GMPS: variants seen among roughly 807,000 people sequenced by gnomAD.
GMPS encodes GMP synthase [glutamine-hydrolyzing].
In GMPS, 15 loss-of-function variants were observed where a neutral mutation model predicts 77.9. The observed-to-expected ratio is 0.19, with a 90% CI of 0.13 to 0.30. The LOEUF (loss-of-function observed/expected upper bound fraction) is 0.30. GMPS is among the 10% of genes least tolerant of loss of function. GMPS has a pLI of 1.00. For missense variants in GMPS, 590 were observed against 838.8 expected (o/e 0.70, Z 3.66); for synonymous variants, 224 against 275.9 (o/e 0.81, Z 1.86).
intron 10 of GMPS, among the ~76,000 whole-genome samples, chr3:155,920,729 A>G (rs1755299339): frequency 6.6e-6 from 1 of 152,104 alleles, no homozygotes. Context: ...ATTATGTAAG[A>G]CTTCATTGGC....
chr3:155,933,215 A>G (rs1316329217), intron 13 of GMPS, among the ~76,000 whole-genome samples: 1 of 152,174 alleles, frequency 6.6e-6, no homozygotes, highest in Non-Finnish European at 1.5e-5. Context: ...AGAAAAAAAA[A>G]AGAATCTTGG....
chr3:155,922,946 A>G (rs1755353507), intron 11 of GMPS, among the ~76,000 whole-genome samples: 1 of 152,194 alleles, frequency 6.6e-6, no homozygotes, highest in African/African-American at 2.4e-5. Flanking sequence ...TCTCTTTAGA[A>G]TATCTTCACC....
Position 155,897,924 on chromosome 3 carries a change from C to T in GMPS, c.210-3C>T, listed in dbSNP as rs768368968. 4 of 1,381,702 alleles carry T rather than the reference C, an allele frequency of 2.9e-6. No individual in the cohort carries two copies. The Admixed American group carries it at 5.0e-5, about 17-fold the overall frequency. 85.6% of individuals were successfully genotyped at this position (1,381,702 alleles called of 1,614,324 possible). A position where few individuals can be genotyped will look rare whatever the true frequency, so the allele number is the denominator to read the frequency against. ...TCTTCACTGATTGTTCCTTAAATCA[C>T]AGTGCTATTATCATCTCTGGAGGAC... On this transcript the variant is annotated splice_region_variant and splice_polypyrimidine_tract_variant and intron_variant, in intron 2 of 15. Transcript: ENST00000496455.
rs564391432 is a variant in GMPS, at chr3:155,914,597, A to G, written c.1038+27A>G. 57 of 1,439,082 alleles carry G rather than the reference A, an allele frequency of 4.0e-5. No homozygotes were observed. The East Asian group carries it at 1.1e-3, about 29-fold the overall frequency. The allele number at this position is 1,439,082 out of a possible 1,614,324, so 89.1% of individuals were successfully genotyped here. The stretch of plus-strand genomic sequence containing the variant: ...TACCTTTGTTTTTAATATCCTCAAC[A>G]TGTACTATTTTTGATGTGAATCTTA... On this transcript the variant is annotated intron_variant, in intron 8 of 15. Transcript: ENST00000496455.
chr3:155,934,077 CTCAAGTAGAGA>C (rs1755700290), intron 13 of GMPS, among the ~76,000 whole-genome samples: 1 of 152,024 alleles, frequency 6.6e-6, no homozygotes, highest in South Asian at 2.1e-4. Flanking sequence ...ATGATTGTTT[CTCAAGTAGAGA>C]AAAAAAGATG....
intron 7 of GMPS, among the ~76,000 whole-genome samples, chr3:155,912,979 A>T (rs922321810): frequency 6.6e-6 from 1 of 152,198 alleles, no homozygotes; most frequent in African/African-American, 2.4e-5. Flanking sequence ...AACACTGTGG[A>T]TGTATTCTCT....
intron 1 of GMPS, among the ~76,000 whole-genome samples, chr3:155,884,369 G>T (rs1310662191): frequency 1.4e-5 from 2 of 147,164 alleles, no homozygotes. Flanking sequence ...CTGGGCAACA[G>T]AGCGAGACTC....
chr3:155,878,232 C>G (rs1199432569), intron 1 of GMPS, among the ~76,000 whole-genome samples: 1 of 152,098 alleles, frequency 6.6e-6, no homozygotes, highest in African/African-American at 2.4e-5. Context: ...GACCGTAGCA[C>G]CTATTTTGGA....
intron 2 of GMPS, among the ~76,000 whole-genome samples, chr3:155,896,751 T>TTTTTTA (rs369655100): frequency 9.5e-5 from 12 of 125,980 alleles, no homozygotes; most frequent in East Asian, 2.4e-4. Flanking sequence ...TTTTTTTTTT[T>TTTTTTA]TATAAATTTG....
intron 1 of GMPS, among the ~76,000 whole-genome samples, chr3:155,878,861 C>T (rs1246457063): frequency 6.6e-6 from 1 of 151,096 alleles, no homozygotes; most frequent in African/African-American, 2.4e-5. Context: ...GTGTAATTCT[C>T]AGTGTGAGTC....
chr3:155,885,084 G>A (rs564791194), intron 1 of GMPS, among the ~76,000 whole-genome samples: 1 of 152,180 alleles, frequency 6.6e-6, no homozygotes, highest in African/African-American at 2.4e-5. Context: ...AACAATATAC[G>A]TAACACGTAG....
intron 4 of GMPS, 112 bp downstream of exon 4, chr3:155,904,072 G>A: frequency 1.8e-6 from 1 of 542,532 alleles, no homozygotes; most frequent in East Asian, 3.1e-5. Flanking sequence ...TAAGGGTATA[G>A]TAGTGACCAC....
At position 155,931,683 on chromosome 3, in the gene GMPS, T is replaced by TTTTA. The variant is rs745576751; in HGVS notation, c.1561-82_1561-81insTTTA. ...TTCAATGCATCTTTTCTTTTTTTTT[T>TTTTA]AAAAAAAAAAAAAAGCTTTGTCAAG... On this transcript the variant is annotated intron_variant, in intron 12 of 15. Coordinates refer to ENST00000496455, the MANE Select transcript of GMPS (RefSeq NM_003875.3). The TTTTA allele has an allele frequency of 1.1e-3, 434 of 398,954 alleles. 12 individuals are homozygous for TTTTA. The East Asian group carries it at 0.012, about 11-fold the overall frequency. 24.7% of individuals were successfully genotyped at this position (398,954 alleles called of 1,614,324 possible).
intron 1 of GMPS, among the ~76,000 whole-genome samples, chr3:155,876,807 C>A (rs1754059395): frequency 6.6e-6 from 1 of 152,084 alleles, no homozygotes; most frequent in Non-Finnish European, 1.5e-5. Flanking sequence ...GAGTATTATT[C>A]TAAAATTCTT....
chr3:155,932,407 T>C (rs1334902242), intron 13 of GMPS, among the ~76,000 whole-genome samples: 1 of 151,598 alleles, frequency 6.6e-6, no homozygotes. Flanking sequence ...AGAAAAGAAA[T>C]AGGCATGTGC....
chr3:155,908,052 A>G (rs1277538557), intron 5 of GMPS, among the ~76,000 whole-genome samples: 2 of 152,212 alleles, frequency 1.3e-5, no homozygotes, highest in Non-Finnish European at 2.9e-5. Context: ...TAAGTGAAGG[A>G]GAGATGTGAT....
intron 3 of GMPS, among the ~76,000 whole-genome samples, chr3:155,903,486 G>A (rs1754781838): frequency 6.6e-6 from 1 of 152,180 alleles, no homozygotes; most frequent in Non-Finnish European, 1.5e-5. Flanking sequence ...CTTGTTGTCT[G>A]CTGTATCTTT....
At chr3:155,927,014 T>TAA (rs199726862) in intron 12 of GMPS, among the ~76,000 whole-genome samples, 22 of 143,170 alleles carry the variant, frequency 1.5e-4, no homozygotes, top group South Asian at 4.3e-4. Context: ...AACTCCTTCT[T>TAA]AAAAAAAAAA....
In GMPS at chr3:155,936,513, A is replaced by G. The variant is rs1167010540; in HGVS notation, c.1980+3A>G. The G allele has an allele frequency of 6.4e-7, 1 of 1,566,828 alleles. No individual in the cohort carries two copies. The highest frequency in any genetic ancestry group is 1.1e-5 in the South Asian group (1 of 89,414). ...CTGGCAATGAGATCCCTGTAGAGGT[A>G]ATTTATATATTTTTTTCTAATGCAC... On this transcript the variant is annotated splice_donor_region_variant and intron_variant, in intron 15 of 15. Coordinates refer to ENST00000496455, the MANE Select transcript of GMPS (RefSeq NM_003875.3).
Sources: gnomAD v4.1 joint callset for allele counts (sites outside exome capture counted in the v4.1 genomes callset) on GRCh38, gnomAD v4.1.1 for gene constraint, MANE v1.5 for transcripts, NCBI Gene and HGNC (gene_info 2026-07-23, HGNC 2026-07-21) for gene names.